TACC1: variants seen among roughly 807,000 people sequenced by gnomAD.
TACC1 encodes the protein transforming acidic coiled-coil-containing protein 1.
Under a neutral mutation model 84.4 loss-of-function variants are expected in TACC1, and 48 were observed. The observed-to-expected ratio is 0.57, with a 90% CI of 0.45 to 0.72. TACC1 has a LOEUF of 0.72. TACC1 is among the 30% of genes least tolerant of loss of function. The probability of loss-of-function intolerance (pLI) is 0.00; values close to 1 mark genes in which losing one functional copy is unlikely to be tolerated. For missense variants in TACC1, 920 were observed against 973.0 expected, an observed-to-expected ratio of 0.95 and a Z score of 0.72; for synonymous variants, 372 against 376.3, an observed-to-expected ratio of 0.99 and a Z score of 0.13.
rs1388335699 is a variant in TACC1 at position 38,848,938 on chromosome 8, A to C, written c.*915A>C. On this transcript the variant is annotated 3_prime_UTR_variant, in exon 13 of 13. Transcript: ENST00000317827. ...CCTCTGCCTCCATTTGTTAATACAG[A>C]ATCAACATTTAGTCTTCATTATCTT... is the stretch of plus-strand genomic sequence containing the variant. 5 of 151,838 alleles carry C rather than the reference A, an allele frequency of 3.3e-5. No individual in the cohort carries two copies. Among genetic ancestry groups the C allele is most frequent in the Non-Finnish European group, 7.4e-5 (5 of 68,000 alleles). The allele number at this position is 151,838 out of a possible 1,614,324, so 9.4% of individuals were successfully genotyped here.
Position 38,827,336 on chromosome 8 carries a change from G to A in TACC1, c.1621G>A (p.Val541Met). The change falls in exon 5 of 13, where the codon GTG (valine) becomes ATG (methionine). Residue 541 changes from valine (V) to methionine (M), a missense_variant. By Grantham distance (21) the Val-to-Met change is conservative. Coordinates refer to ENST00000317827, the MANE Select transcript of TACC1 (RefSeq NM_006283.3). ...GTACTTTGAATGTTCCAATGTTCCTGTGTCTACCATAAATCATGCGTTTTC... is the reference window on the plus strand; with the variant it reads ...GTACTTTGAATGTTCCAATGTTCCTATGTCTACCATAAATCATGCGTTTTC... ...LEYFECSNVPVSTINHAFSSS... is the reference protein window; with the variant it reads ...LEYFECSNVPMSTINHAFSSS... 3 of 1,614,194 alleles carry A rather than the reference G, an allele frequency of 1.9e-6. No homozygotes were observed. Among genetic ancestry groups the A allele is most frequent in the South Asian group, 2.2e-5 (2 of 91,088 alleles).
At chr8:38,843,807 A>C (rs906776839) in intron 11 of TACC1, among the ~76,000 whole-genome samples, 6 of 152,180 alleles carry the variant, frequency 3.9e-5, no homozygotes, top group Non-Finnish European at 7.3e-5. Context: ...TCATTTATTT[A>C]ACAATCCCCT....
chr8:38,736,977 G>A (rs1806088159), intron 1 of TACC1, among the ~76,000 whole-genome samples: 1 of 152,172 alleles, frequency 6.6e-6, no homozygotes, highest in South Asian at 2.1e-4. Flanking sequence ...CACAAAAATT[G>A]TGGAAGGGCC....
chr8:38,826,727 A>G (rs756400209), intron 4 of TACC1, among the ~76,000 whole-genome samples: 1 of 152,234 alleles, frequency 6.6e-6, no homozygotes, highest in Non-Finnish European at 1.5e-5. Context: ...CACTAAGGTA[A>G]CTAGATAGCA....
intron 2 of TACC1, among the ~76,000 whole-genome samples, chr8:38,808,789 T>C (rs528847149): frequency 1.3e-5 from 2 of 152,198 alleles, no homozygotes; most frequent in African/African-American, 4.8e-5. Flanking sequence ...TAAATGCAAA[T>C]AGAATCTTAC....
chr8:38,772,612 C>T (rs1030739989), intron 3 of TACC1, among the ~76,000 whole-genome samples: 1 of 152,076 alleles, frequency 6.6e-6, no homozygotes, highest in African/African-American at 2.4e-5. Context: ...GGCTGCACAT[C>T]CTGGTTTCCT....
At chr8:38,787,218 C>G (rs1817395893), upstream of TACC1, 1 of 995,850 alleles carries the variant, frequency 1.0e-6, no homozygotes, top group African/African-American at 1.7e-5. Context: ...GATGCGCGCC[C>G]CGCCGGCCGG....
At chr8:38,750,929 A>G (rs1006210848) in intron 3 of TACC1, among the ~76,000 whole-genome samples, 4 of 152,204 alleles carry the variant, frequency 2.6e-5, no homozygotes, top group Admixed American at 6.5e-5. Context: ...AAAAATTTGC[A>G]AGAGTATTTT....
intron 2 of TACC1, among the ~76,000 whole-genome samples, chr8:38,799,047 G>A (rs1206937289): frequency 6.6e-6 from 1 of 152,188 alleles, no homozygotes; most frequent in Non-Finnish European, 1.5e-5. Context: ...ATATACATCT[G>A]ATTAACAGTC....
At chr8:38,793,418 A>T (rs1166537010) in intron 2 of TACC1, among the ~76,000 whole-genome samples, 1 of 152,178 alleles carries the variant, frequency 6.6e-6, no homozygotes, top group Non-Finnish European at 1.5e-5. Flanking sequence ...TTTAATGGTG[A>T]TGTGTGAAAA....
chr8:38,802,611 A>T (rs111451351), intron 2 of TACC1, among the ~76,000 whole-genome samples: 3,858 of 152,304 alleles, frequency 0.025, 148 homozygotes, highest in African/African-American at 0.087. Flanking sequence ...GAGGCTGGGT[A>T]ATTCTAAAGA....
At chr8:38,830,903 C>T (rs186755334) in intron 5 of TACC1, among the ~76,000 whole-genome samples, 120 of 152,322 alleles carry the variant, frequency 7.9e-4, no homozygotes, top group Non-Finnish European at 1.5e-3. Flanking sequence ...TGAAGGCTGA[C>T]GACCTGTTTG....
intron 11 of TACC1, chr8:38,845,034 C>A (rs1023424908): frequency 5.9e-5 from 9 of 152,252 alleles, no homozygotes; most frequent in African/African-American, 2.2e-4. Flanking sequence ...AAGTGACTCT[C>A]CTGCTTCAGC....
chr8:38,730,469 T>C (rs1258995745), intron 1 of TACC1, among the ~76,000 whole-genome samples: 1 of 152,266 alleles, frequency 6.6e-6, no homozygotes, highest in Admixed American at 6.5e-5. Flanking sequence ...TGATAACAGA[T>C]TACTTATTGA....
At chr8:38,831,437 G>A (rs572749363) in intron 6 of TACC1, among the ~76,000 whole-genome samples, 1 of 152,308 alleles carries the variant, frequency 6.6e-6, no homozygotes, top group Admixed American at 6.5e-5. Context: ...TACATGTTGA[G>A]ATGATAATAT....
At chr8:38,795,428 C>A (rs900361236) in intron 2 of TACC1, among the ~76,000 whole-genome samples, 1 of 152,204 alleles carries the variant, frequency 6.6e-6, no homozygotes, top group South Asian at 2.1e-4. Flanking sequence ...TTGGTACTTG[C>A]GGGTGGCAGA....
chr8:38,792,283 A>G (rs1818848248), intron 2 of TACC1, among the ~76,000 whole-genome samples: 1 of 152,200 alleles, frequency 6.6e-6, no homozygotes, highest in South Asian at 2.1e-4. Flanking sequence ...TTGAGGAGGT[A>G]CAATCTCAAG....
intron 1 of TACC1, among the ~76,000 whole-genome samples, chr8:38,730,518 A>G (rs866971457): frequency 5.3e-5 from 8 of 152,372 alleles, no homozygotes; most frequent in African/African-American, 1.7e-4. Flanking sequence ...AGATGAGCTC[A>G]TGGAATACTC....
At chr8:38,751,568 A>G (rs933077258) in intron 3 of TACC1, among the ~76,000 whole-genome samples, 4 of 152,112 alleles carry the variant, frequency 2.6e-5, no homozygotes, top group African/African-American at 7.2e-5. Flanking sequence ...GGATAAGTCT[A>G]TTGGTGCCAT....
Sources: allele counts gnomAD v4.1 joint callset (sites outside exome capture counted in the v4.1 genomes callset), GRCh38; gene constraint gnomAD v4.1.1; transcripts MANE v1.5; gene names NCBI Gene and HGNC (gene_info 2026-07-23, HGNC 2026-07-21).